Variants in SUMF1 observed in about 807,000 individuals in gnomAD.
The protein encoded by SUMF1 is formylglycine-generating enzyme.
SUMF1 carries 48 observed loss-of-function variants against 47.6 expected under a neutral mutation model. That is an observed-to-expected ratio of 1.01 (90% confidence interval 0.80 to 1.28). The LOEUF (loss-of-function observed/expected upper bound fraction) is 1.28. Ranked by LOEUF, SUMF1 falls within the 50% of genes most tolerant of loss-of-function variation. The probability of loss-of-function intolerance (pLI) is 0.00; values close to 1 mark genes in which losing one functional copy is unlikely to be tolerated. For synonymous variants in SUMF1, 230 were observed against 192.1 expected (o/e 1.20, Z -1.63); for missense variants, 571 against 485.4 (o/e 1.18, Z -1.66).
At chr3:4,341,526 A>G (rs1450559703) in intron 8 of SUMF1, among the ~76,000 whole-genome samples, 2 of 152,096 alleles carry the variant, frequency 1.3e-5, no homozygotes, top group Non-Finnish European at 2.9e-5. Flanking sequence ...AGAATACAAT[A>G]GTGTTATATC....
At chr3:4,249,938 T>C (rs1696756715) in intron 8 of SUMF1, among the ~76,000 whole-genome samples, 1 of 152,094 alleles carries the variant, frequency 6.6e-6, no homozygotes. Context: ...ATCCCAGCAC[T>C]TGGGGGAGGC....
At chr3:4,157,143 G>C (rs1222333913) in intron 8 of SUMF1, among the ~76,000 whole-genome samples, 1 of 151,372 alleles carries the variant, frequency 6.6e-6, no homozygotes, top group Non-Finnish European at 1.5e-5. Flanking sequence ...TTAATTTCTT[G>C]GTGTTTGGTC....
intron 8 of SUMF1, among the ~76,000 whole-genome samples, chr3:4,163,591 C>T (rs903537594): frequency 2.0e-5 from 3 of 150,940 alleles, no homozygotes; most frequent in African/African-American, 7.3e-5. Flanking sequence ...CTTTCTCAGA[C>T]ATTTCTGTAA....
intron 8 of SUMF1, among the ~76,000 whole-genome samples, chr3:4,146,640 C>G (rs1457597594): frequency 2.0e-5 from 3 of 151,752 alleles, no homozygotes; most frequent in Non-Finnish European, 4.4e-5. Flanking sequence ...CACCCAGTAA[C>G]TCGTCATTTA....
intron 8 of SUMF1, among the ~76,000 whole-genome samples, chr3:4,129,068 G>A (rs1693724884): frequency 1.3e-5 from 2 of 152,100 alleles, no homozygotes; most frequent in East Asian, 1.9e-4. Context: ...ATCCCAGCTG[G>A]GAGGATACAG....
intron 3 of SUMF1, among the ~76,000 whole-genome samples, chr3:4,433,220 T>C (rs530111038): frequency 3.3e-5 from 5 of 152,210 alleles, no homozygotes; most frequent in Non-Finnish European, 5.9e-5. Context: ...TGTTACCTCT[T>C]AATCTAAGTT....
rs78817159 is a variant in SUMF1 at position 4,039,848 on chromosome 3, T to C, written c.1191+28721A>G. Among the ~76,000 whole-genome samples the C allele has an allele frequency of 8.0e-3, 1,219 of 152,024 alleles. 28 individuals carry two copies. The highest frequency in any genetic ancestry group is 0.029 in the Admixed American group (438 of 15,272). ...CCAGCCTGGGCAATACAGTGAGACC[T>C]AGTTTCTACAAAAAAAATTTTCAAA... is the stretch of plus-strand genomic sequence containing the variant. On this transcript the variant is annotated intron_variant and NMD_transcript_variant, in intron 9 of 12. Transcript: ENST00000448413.
chr3:4,147,071 T>C (rs1408776688), intron 8 of SUMF1, among the ~76,000 whole-genome samples: 2 of 151,996 alleles, frequency 1.3e-5, no homozygotes, highest in Admixed American at 6.6e-5. Flanking sequence ...AAAATGCTCA[T>C]CATCACTGGC....
At chr3:4,056,705 G>A (rs909166006) in intron 9 of SUMF1, among the ~76,000 whole-genome samples, 6 of 151,920 alleles carry the variant, frequency 3.9e-5, no homozygotes, top group Admixed American at 3.3e-4. Context: ...AATTATGTGT[G>A]GTTTTTGTTT....
chr3:4,121,770 G>A (rs570965111), intron 8 of SUMF1, among the ~76,000 whole-genome samples: 1 of 151,874 alleles, frequency 6.6e-6, no homozygotes, highest in African/African-American at 2.4e-5. Flanking sequence ...TTCTATATAG[G>A]TAAACTACTG....
chr3:4,183,098 T>G (rs1214895910), intron 8 of SUMF1, among the ~76,000 whole-genome samples: 2 of 152,164 alleles, frequency 1.3e-5, no homozygotes, highest in African/African-American at 4.8e-5. Context: ...CTTGGATAAC[T>G]GTTCCATTCC....
chr3:4,187,062 T>C (rs1322289333), intron 8 of SUMF1, among the ~76,000 whole-genome samples: 1 of 152,186 alleles, frequency 6.6e-6, no homozygotes, highest in Non-Finnish European at 1.5e-5. Context: ...ATGTATCTTC[T>C]GAGCTGCCAA....
chr3:4,456,662 A>G (rs1559312080), intron 1 of SUMF1, among the ~76,000 whole-genome samples: 1 of 145,064 alleles, frequency 6.9e-6, no homozygotes, highest in East Asian at 2.0e-4. Flanking sequence ...GTGTGTGTAT[A>G]TATATATATA....
intron 8 of SUMF1, among the ~76,000 whole-genome samples, chr3:4,189,417 A>C (rs1324151054): frequency 6.6e-6 from 1 of 152,166 alleles, no homozygotes; most frequent in Non-Finnish European, 1.5e-5. Context: ...ATTAAATTAA[A>C]ATGTCTAAAA....
chr3:4,117,056 GAC>G (rs1459423209), intron 8 of SUMF1, among the ~76,000 whole-genome samples: 2 of 152,114 alleles, frequency 1.3e-5, no homozygotes, highest in African/African-American at 4.8e-5. Context: ...TATGTTTACT[GAC>G]ACAAGATATT....
intron 8 of SUMF1, among the ~76,000 whole-genome samples, chr3:4,304,606 C>T (rs1264000300): frequency 1.3e-5 from 2 of 152,206 alleles, no homozygotes; most frequent in East Asian, 1.9e-4. Context: ...TCTTCATCTG[C>T]AAAATGAAAA....
chr3:4,317,139 C>T lies in SUMF1; in HGVS notation c.1014+59191G>A, dbSNP rs1437263273. On this transcript the variant is annotated intron_variant and NMD_transcript_variant, in intron 8 of 12. Coordinates refer to the SUMF1 transcript ENST00000448413. Reference sequence around the variant, plus strand: ...CCAGCAGGATGCAGAAAATGCTTTCCAAGAGTTCGTCGAATCCCAAAGCAC... The same window carrying T: ...CCAGCAGGATGCAGAAAATGCTTTCTAAGAGTTCGTCGAATCCCAAAGCAC... 1.9e-6 allele frequency: 3 copies of T among 1,546,936 alleles called. No individual in the cohort carries two copies. In the African/African-American group the frequency reaches 4.1e-5, roughly 21 times the overall value.
At chr3:4,109,348 G>T (rs1037623916) in intron 8 of SUMF1, among the ~76,000 whole-genome samples, 1 of 152,012 alleles carries the variant, frequency 6.6e-6, no homozygotes, top group Non-Finnish European at 1.5e-5. Context: ...CTCTCTGGCT[G>T]CCCTGAACAT....
At chr3:4,438,542 G>C (rs1030040443) in intron 3 of SUMF1, among the ~76,000 whole-genome samples, 1 of 152,182 alleles carries the variant, frequency 6.6e-6, no homozygotes, top group African/African-American at 2.4e-5. Flanking sequence ...TGTTAGGCCA[G>C]TTGAGCCAGA....
Sources: gnomAD v4.1 joint callset for allele counts (sites outside exome capture counted in the v4.1 genomes callset) on GRCh38, gnomAD v4.1.1 for gene constraint, MANE v1.5 for transcripts, NCBI Gene and HGNC (gene_info 2026-07-23, HGNC 2026-07-21) for gene names.